Variants in DLC1 observed in about 807,000 individuals in gnomAD.
DLC1 encodes the protein DLC1 Rho GTPase activating protein, also known as rho GTPase-activating protein 7.
Under a neutral mutation model 140.3 loss-of-function variants are expected in DLC1, and 54 were observed. The observed-to-expected ratio is 0.38, with a 90% confidence interval of 0.31 to 0.48. The LOEUF (loss-of-function observed/expected upper bound fraction) is 0.48. DLC1 is among the 20% of genes least tolerant of loss of function. The probability of loss-of-function intolerance (pLI) is 0.96; values close to 1 mark genes in which losing one functional copy is unlikely to be tolerated. For missense variants in DLC1, 2,536 were observed against 1,907.0 expected (o/e 1.33, Z -6.14); for synonymous variants, 986 against 728.1 (o/e 1.35, Z -5.70).
At position 13,499,540 on chromosome 8, in the gene DLC1, T is replaced by A. The variant is rs201740537; in HGVS notation, c.532A>T (p.Ser178Cys). ...GETELALVKE[S>C]GERKVTDSIS... is the part of the protein sequence containing the mutation. Reference sequence around the variant, plus strand: ...GAGTCAGTAACTTTTCTCTCCCCACTTTCTTTTACCAGTGCTAATTCAGTT... The same window carrying A: ...GAGTCAGTAACTTTTCTCTCCCCACATTCTTTTACCAGTGCTAATTCAGTT... Residue 178 changes from serine to cysteine, a missense_variant, in exon 2 of 18, where the codon AGT (serine) becomes TGT (cysteine). Ser to Cys is a moderately radical substitution (Grantham distance 112). Transcript: ENST00000276297. 6.2e-7 allele frequency: 1 copy of A among 1,614,078 alleles called. No individual in the cohort carries two copies. Among genetic ancestry groups the A allele is most frequent in the Admixed American group, 1.7e-5 (1 of 60,004 alleles).
chr8:13,488,777 G>A (rs913991844), intron 2 of DLC1, among the ~76,000 whole-genome samples: 1 of 152,136 alleles, frequency 6.6e-6, no homozygotes, highest in Admixed American at 6.5e-5. Context: ...TAATATGAAA[G>A]TTAGTTATTT....
chr8:13,248,087 T>C (rs1018468251), intron 5 of DLC1, among the ~76,000 whole-genome samples: 2 of 152,198 alleles, frequency 1.3e-5, no homozygotes, highest in Non-Finnish European at 2.9e-5. Context: ...TTAGTCTCAG[T>C]CCTCAGTGTG....
chr8:13,461,359 T>A (rs570238708), intron 2 of DLC1, among the ~76,000 whole-genome samples: 1 of 152,362 alleles, frequency 6.6e-6, no homozygotes, highest in East Asian at 1.9e-4. Flanking sequence ...ACACAATATG[T>A]CTGAACATTT....
chr8:13,454,971 C>T (rs1486434336), intron 2 of DLC1, among the ~76,000 whole-genome samples: 1 of 151,942 alleles, frequency 6.6e-6, no homozygotes, highest in Non-Finnish European at 1.5e-5. Flanking sequence ...AATCTGAGAT[C>T]TAGTTTTTTT....
At chr8:13,411,970 G>A (rs1001518104) in intron 2 of DLC1, among the ~76,000 whole-genome samples, 99 of 152,202 alleles carry the variant, frequency 6.5e-4, no homozygotes, top group African/African-American at 2.4e-3. Context: ...AGTCAAAATT[G>A]TAAAATCTTT....
chr8:13,434,814 G>A (rs1472590524), intron 2 of DLC1, among the ~76,000 whole-genome samples: 2 of 152,064 alleles, frequency 1.3e-5, no homozygotes, highest in East Asian at 3.9e-4. Context: ...GAGTAGCTGG[G>A]ACTACAGGCC....
chr8:13,384,525 GA>G (rs1401066162), intron 4 of DLC1, among the ~76,000 whole-genome samples: 1 of 117,842 alleles, frequency 8.5e-6, no homozygotes, highest in Non-Finnish European at 2.0e-5. Flanking sequence ...TCTTTAAATG[GA>G]AATTCTACTA....
chr8:13,088,051 A>G (rs1396931434), intron 16 of DLC1, among the ~76,000 whole-genome samples: 2 of 151,522 alleles, frequency 1.3e-5, no homozygotes, highest in Non-Finnish European at 2.9e-5. Flanking sequence ...CCATATTTGA[A>G]GGTGTTCACT....
intron 5 of DLC1, among the ~76,000 whole-genome samples, chr8:13,283,928 G>T (rs1831454202): frequency 6.6e-6 from 1 of 152,156 alleles, no homozygotes; most frequent in Non-Finnish European, 1.5e-5. Flanking sequence ...CTGCAGAGGG[G>T]TCTTCCCAAG....
intron 5 of DLC1, among the ~76,000 whole-genome samples, chr8:13,126,924 G>C (rs561396885): frequency 6.6e-6 from 1 of 152,030 alleles, no homozygotes; most frequent in Non-Finnish European, 1.5e-5. Context: ...CCATATTTTC[G>C]TCCATTCTAA....
At chr8:13,455,351 A>C (rs78763857) in intron 2 of DLC1, among the ~76,000 whole-genome samples, 13,785 of 152,050 alleles carry the variant, frequency 0.091, 1,632 homozygotes, top group African/African-American at 0.28. Flanking sequence ...CCTCTCCTCA[A>C]AGCACTCCAA....
At chr8:13,361,839 A>G (rs978555857) in intron 4 of DLC1, among the ~76,000 whole-genome samples, 3 of 152,198 alleles carry the variant, frequency 2.0e-5, no homozygotes, top group African/African-American at 4.8e-5. Context: ...CTTATTTAGT[A>G]CATATATCAA....
At chr8:13,162,173 A>C (rs369420103) in intron 5 of DLC1, among the ~76,000 whole-genome samples, 2 of 152,214 alleles carry the variant, frequency 1.3e-5, no homozygotes, top group African/African-American at 4.8e-5. Context: ...TGACTACTTA[A>C]GAGAAACATA....
Position 13,463,752 on chromosome 8 carries a change from G to T in DLC1, c.1023+35297C>A, listed in dbSNP as rs761365452. On this transcript the variant is annotated intron_variant, in intron 2 of 17. Coordinates refer to ENST00000276297, the MANE Select transcript of DLC1 (RefSeq NM_182643.3). ...GGAAACAGGAACCTGACTTTTTGCC[G>T]GATTCCCAGGACCTATGTCTTTAAA... 4.0e-4 allele frequency among the ~76,000 whole-genome samples: 61 copies of T among 152,118 alleles called. 1 individual carries two copies. In the Middle Eastern group the frequency reaches 0.014, roughly 34 times the overall value.
At chr8:13,439,911 A>G (rs1457952629) in intron 2 of DLC1, among the ~76,000 whole-genome samples, 1 of 151,864 alleles carries the variant, frequency 6.6e-6, no homozygotes, top group Non-Finnish European at 1.5e-5. Flanking sequence ...TTTTTTTCTG[A>G]TCGTCATCAG....
At position 13,299,934 on chromosome 8, in the gene DLC1, A is replaced by G. The variant is rs146918980; in HGVS notation, c.1348+5335T>C. ...TGAGTCAGCAATCGCATTACTGGGT[A>G]TATATTCAAAGGAGTATAAATCATT... is the stretch of plus-strand genomic sequence containing the variant. On this transcript the variant is annotated intron_variant, in intron 5 of 17. Transcript: ENST00000276297. 4.3e-4 allele frequency among the ~76,000 whole-genome samples: 66 copies of G among 152,340 alleles called. No homozygotes were observed. The East Asian group carries it at 9.8e-3, about 23-fold the overall frequency.
In DLC1 at chr8:13,349,010, T is replaced by C. The variant is rs575564984; in HGVS notation, c.1315-43708A>G. Among the ~76,000 whole-genome samples the C allele has an allele frequency of 3.0e-4, 45 of 152,202 alleles. 1 individual carries two copies. Among genetic ancestry groups the C allele is most frequent in the South Asian group, 2.7e-3 (13 of 4,814 alleles). On this transcript the variant is annotated intron_variant, in intron 4 of 17. Transcript: ENST00000276297. ...ATAGGGAGATGAAAAGAGAAGTGACTTTATATGTAGCACTAAGATTCGTAG... is the reference window on the plus strand; with the variant it reads ...ATAGGGAGATGAAAAGAGAAGTGACCTTATATGTAGCACTAAGATTCGTAG...
At chr8:13,107,218 A>G (rs1041110967) in intron 7 of DLC1, among the ~76,000 whole-genome samples, 1 of 152,200 alleles carries the variant, frequency 6.6e-6, no homozygotes, top group Non-Finnish European at 1.5e-5. Context: ...ATTTAAGACT[A>G]TGTCATTGTT....
chr8:13,087,413 A>C (rs987838462), intron 16 of DLC1, among the ~76,000 whole-genome samples: 6 of 152,212 alleles, frequency 3.9e-5, no homozygotes, highest in East Asian at 1.9e-4. Flanking sequence ...AATCAATCAA[A>C]CAACCAACCA....
Sources: gnomAD v4.1 joint callset for allele counts (sites outside exome capture counted in the v4.1 genomes callset) on GRCh38, gnomAD v4.1.1 for gene constraint, MANE v1.5 for transcripts, NCBI Gene and HGNC (gene_info 2026-07-23, HGNC 2026-07-21) for gene names.